Variants in JADE1 observed in about 807,000 individuals in gnomAD.
JADE1 encodes the protein jade family PHD finger 1, also known as protein Jade-1.
A neutral mutation model predicts 81.8 loss-of-function variants in JADE1; 14 were observed. The ratio of observed to expected loss-of-function variants is 0.17; its 90% CI spans 0.11 to 0.27. The LOEUF is 0.27. Ranked by LOEUF, JADE1 falls within the 10% of genes least tolerant of loss-of-function variation. The probability of loss-of-function intolerance (pLI) is 1.00; values close to 1 mark genes in which losing one functional copy is unlikely to be tolerated. For synonymous variants in JADE1, 353 were observed against 391.9 expected (o/e 0.90, Z 1.17); for missense variants, 690 against 1,047.9 (o/e 0.66, Z 4.71).
chr4:128,831,720 C>A lies in JADE1; in HGVS notation c.-26-13C>A. 1 of 1,613,342 alleles carries A rather than the reference C, an allele frequency of 6.2e-7. No individual in the cohort carries two copies. The highest frequency in any genetic ancestry group is 1.1e-5 in the South Asian group (1 of 91,046). ...TATCATCTTGGGTTAAGTGCTGTCT[C>A]ATTGCTTTGCAGGCTGCCTGCTGTT... On this transcript the variant is annotated splice_polypyrimidine_tract_variant and intron_variant, in intron 1 of 10. Coordinates refer to ENST00000226319, the MANE Select transcript of JADE1 (RefSeq NM_199320.4).
At position 128,871,511 on chromosome 4, in the gene JADE1, A is replaced by G. The variant is rs746970411; in HGVS notation, c.1778A>G (p.Lys593Arg). The G allele has an allele frequency of 1.2e-6, 2 of 1,614,186 alleles. No homozygotes were observed. The highest frequency in any genetic ancestry group is 1.7e-6 in the Non-Finnish European group (2 of 1,180,040). Residue 593 changes from lysine to arginine, a missense_variant, in exon 11 of 11, where the codon AAG becomes AGG. This residue lies in a region of JADE1 where 86 missense variants were observed against 95.4 expected (regional missense o/e 0.90). Transcript: ENST00000226319. This position sits in a 1 kb window ranked among gnomAD's most constrained non-coding sequence, Gnocchi z 4.1. ...MGTSLVHSLK[K>R]PHKRDPLQNS... ...ACTTCCTTGGTTCATTCGCTGAAAA[A>G]GCCCCATAAGCGAGATCCTTTGCAG... is the stretch of plus-strand genomic sequence containing the variant.
chr4:128,825,630 A>T (rs1727993450), intron 1 of JADE1, among the ~76,000 whole-genome samples: 1 of 152,170 alleles, frequency 6.6e-6, no homozygotes, highest in African/African-American at 2.4e-5. Context: ...ACCACACTGA[A>T]GCCACTTGTC....
Position 128,867,881 on chromosome 4 carries a change from C to A in JADE1, c.1529C>A (p.Thr510Asn). ...GTTCGGAACCTCACTTACATGGTGA[C>A]CCGCAGGGAAAAGATTAAACGGTCT... ...ERVRNLTYMV[T>N]RREKIKRSVC... The change falls in exon 10 of 11, where the codon ACC (threonine) becomes AAC (asparagine). Residue 510 changes from threonine to asparagine, a missense_variant. Thr to Asn is a moderately conservative substitution (Grantham distance 65, BLOSUM62 0). Coordinates refer to ENST00000226319, the MANE Select transcript of JADE1 (RefSeq NM_199320.4). 1 of 1,613,208 alleles carries A rather than the reference C, an allele frequency of 6.2e-7. No homozygotes were observed. Among genetic ancestry groups the A allele is most frequent in the South Asian group, 1.1e-5 (1 of 91,060 alleles).
intron 1 of JADE1, among the ~76,000 whole-genome samples, chr4:128,829,809 G>T (rs758258651): frequency 1.3e-5 from 2 of 152,114 alleles, no homozygotes; most frequent in Admixed American, 1.3e-4. Flanking sequence ...CTGCTCTTTT[G>T]TAGGCCTTTT....
chr4:128,813,706 C>A (rs1212937898), intron 1 of JADE1, among the ~76,000 whole-genome samples: 1 of 151,992 alleles, frequency 6.6e-6, no homozygotes, highest in Non-Finnish European at 1.5e-5. Flanking sequence ...CAGGCGTGAG[C>A]CACCACGCCC....
chr4:128,841,895 G>A (rs1729464709), intron 2 of JADE1, among the ~76,000 whole-genome samples: 1 of 152,200 alleles, frequency 6.6e-6, no homozygotes, highest in African/African-American at 2.4e-5. Flanking sequence ...GGATGGAGTT[G>A]TTGGTGCTGA....
At chr4:128,860,100 T>C (rs1323122838) in intron 8 of JADE1, among the ~76,000 whole-genome samples, 6 of 152,208 alleles carry the variant, frequency 3.9e-5, no homozygotes, top group Admixed American at 3.9e-4. Context: ...CAAACACAGA[T>C]AGTGTCTCAG....
intron 2 of JADE1, among the ~76,000 whole-genome samples, chr4:128,836,874 A>G (rs1467384818): frequency 2.0e-5 from 3 of 151,824 alleles, no homozygotes; most frequent in Non-Finnish European, 4.4e-5. Context: ...ATTTTCCTGC[A>G]TCAGCCCCCT....
rs184966691 is a variant in JADE1, at chr4:128,874,127, T to C, written c.*1865T>C. On this transcript the variant is annotated 3_prime_UTR_variant, in exon 11 of 11. Transcript: ENST00000226319. ...GCAGATAATAGAAGGTTCTTATGAA[T>C]CCAAGTTGTATATTCACTTGTAGGA... 2.6e-5 allele frequency: 4 copies of C among 152,754 alleles called. No individual in the cohort carries two copies. The East Asian group carries it at 7.7e-4, about 30-fold the overall frequency. The allele number at this position is 152,754 out of a possible 1,614,324, so 9.5% of individuals were successfully genotyped here.
intron 6 of JADE1, among the ~76,000 whole-genome samples, chr4:128,853,649 A>G (rs1191474063): frequency 3.9e-5 from 6 of 152,224 alleles, no homozygotes; most frequent in African/African-American, 1.4e-4. Context: ...TTAAAAGGCT[A>G]TCCTGAAGTA....
Position 128,862,155 on chromosome 4 carries a change from C to T in JADE1, c.1433C>T (p.Ala478Val). The change falls in exon 9 of 11, where the codon GCC (alanine) becomes GTC (valine). Residue 478 changes from alanine to valine, a missense_variant. By Grantham distance (64) the Ala-to-Val change is moderately conservative. Transcript: ENST00000226319. ...AAGAAAGATGAAGAGGACAATCTAG[C>T]CAAGCGGGAGCAGGATGTCTTATTT... ...TPKKDEEDNL[A>V]KREQDVLFRR... 1 of 1,614,186 alleles carries T rather than the reference C, an allele frequency of 6.2e-7. No individual in the cohort carries two copies. The highest frequency in any genetic ancestry group is 8.5e-7 in the Non-Finnish European group (1 of 1,180,032).
rs1038283278 is a variant in JADE1, at chr4:128,855,482, G to T, written c.697-148G>T. On this transcript the variant is annotated intron_variant, in intron 6 of 10. Coordinates refer to ENST00000226319, the MANE Select transcript of JADE1 (RefSeq NM_199320.4). ...GCCGGGCATTTTCCCGAGGGGAGAC[G>T]GTCGTAGCCAGGAAGCTGTGGGAGC... is the stretch of plus-strand genomic sequence containing the variant. 1.1e-5 allele frequency: 9 copies of T among 786,094 alleles called. No individual in the cohort carries two copies. In the Admixed American group the frequency reaches 2.2e-4, roughly 19 times the overall value. The allele number at this position is 786,094 out of a possible 1,614,324, so 48.7% of individuals were successfully genotyped here.
At position 128,846,892 on chromosome 4, in the gene JADE1, T is replaced by C. The variant is rs1465647833; in HGVS notation, c.296+360T>C. 6.6e-6 allele frequency among the ~76,000 whole-genome samples: 1 copy of C among 152,152 alleles called. No homozygotes were observed. The highest frequency in any genetic ancestry group is 2.4e-5 in the African/African-American group (1 of 41,414). On this transcript the variant is annotated intron_variant, in intron 4 of 10. Transcript: ENST00000226319. The surrounding 1 kb of genome is among the most constrained non-coding windows in gnomAD (Gnocchi z 4.0). Reference sequence around the variant, plus strand: ...CTTTTCCTGCCCTCCGTATTCGCTCTGGAGAGTGGCTCTCCTGGAGAGAAG... The same window carrying C: ...CTTTTCCTGCCCTCCGTATTCGCTCCGGAGAGTGGCTCTCCTGGAGAGAAG...
rs964398781 is a variant in JADE1, at chr4:128,874,792, T to TAA, written c.*2531_*2532dup. 5.1e-4 allele frequency: 78 copies of TAA among 152,794 alleles called. No homozygotes were observed. The highest frequency in any genetic ancestry group is 1.8e-3 in the African/African-American group (74 of 41,598). The allele number at this position is 152,794 out of a possible 1,614,324, so 9.5% of individuals were successfully genotyped here. On this transcript the variant is annotated 3_prime_UTR_variant, in exon 11 of 11. Transcript: ENST00000226319. ...ACCAAGAAATATCTTTGATTATGAT[T>TAA]AATGTATTATGTCAAAATGTAGGCT...
intron 5 of JADE1, among the ~76,000 whole-genome samples, chr4:128,849,678 T>G (rs575184619): frequency 2.0e-5 from 3 of 152,350 alleles, no homozygotes; most frequent in African/African-American, 7.2e-5. Context: ...CCTCCGTTTA[T>G]CTCTGTCCTG....
intron 1 of JADE1, among the ~76,000 whole-genome samples, chr4:128,814,256 G>T (rs1325502211): frequency 6.6e-6 from 1 of 152,154 alleles, no homozygotes; most frequent in Non-Finnish European, 1.5e-5. Flanking sequence ...TAGGGGGTTG[G>T]AGAAGAAAGA....
intron 9 of JADE1, chr4:128,862,616 A>G (rs1731435496): frequency 2.9e-6 from 3 of 1,026,906 alleles, no homozygotes; most frequent in Non-Finnish European, 3.5e-6. Flanking sequence ...ACCAGAACGG[A>G]TTTCATTTCT....
chr4:128,841,010 A>G (rs1729391483), intron 2 of JADE1, among the ~76,000 whole-genome samples: 2 of 152,200 alleles, frequency 1.3e-5, no homozygotes, highest in East Asian at 3.8e-4. Flanking sequence ...GTCATCGCAA[A>G]TCTGATGATA....
At chr4:128,857,272 T>G (rs1730874730) in intron 7 of JADE1, 66 bp from the exon 8 acceptor site, 2 of 1,194,698 alleles carry the variant, frequency 1.7e-6, no homozygotes, top group African/African-American at 1.5e-5. Context: ...ATCTTTTAGT[T>G]TCTGACATTC....
Sources: gnomAD v4.1 joint callset for allele counts (sites outside exome capture counted in the v4.1 genomes callset) on GRCh38, gnomAD v4.1.1 for gene constraint, gnomAD v4.1.1 regional missense constraint, Gnocchi (gnomAD v3.1) non-coding constraint, MANE v1.5 for transcripts, NCBI Gene and HGNC (gene_info 2026-07-23, HGNC 2026-07-21) for gene names.